SRRM4: variants seen among roughly 807,000 people sequenced by gnomAD.
The protein encoded by SRRM4 is serine/arginine repetitive matrix 4.
In SRRM4, 33 loss-of-function variants were observed where a neutral mutation model predicts 68.9. The observed-to-expected ratio is 0.48, with a 90% CI of 0.36 to 0.64. The LOEUF is 0.64. SRRM4 is among the 30% of genes least tolerant of loss of function. The probability of loss-of-function intolerance (pLI) is 0.00; values close to 1 mark genes in which losing one functional copy is unlikely to be tolerated. For missense variants in SRRM4, 817 were observed against 827.1 expected, an observed-to-expected ratio of 0.99 and a Z score of 0.15; for synonymous variants, 318 against 318.8, an observed-to-expected ratio of 1.00 and a Z score of 0.03.
At chr12:119,015,104 G>A (rs193172397) in intron 1 of SRRM4, among the ~76,000 whole-genome samples, 13 of 152,346 alleles carry the variant, frequency 8.5e-5, no homozygotes, top group African/African-American at 2.9e-4. Context: ...GTGTGGATAT[G>A]AGAAGTTGAC....
chr12:119,103,223 C>A (rs565786931), intron 2 of SRRM4, among the ~76,000 whole-genome samples: 1 of 152,160 alleles, frequency 6.6e-6, no homozygotes, highest in South Asian at 2.1e-4. Context: ...AAACTGGAGT[C>A]ATTTTTTTTC....
intron 8 of SRRM4, among the ~76,000 whole-genome samples, chr12:119,137,587 GGAGAGAGAGAGAGAGAGAGAGAGAGA>G (rs55883419): frequency 2.5e-5 from 3 of 119,152 alleles, no homozygotes; most frequent in South Asian, 3.0e-4. Context: ...GGTTTGGAGT[GGAGAGAGAGAGAGAGAGAGAGAGAGA>G]GAGAGAGAGA....
intron 1 of SRRM4, among the ~76,000 whole-genome samples, chr12:118,998,268 C>CAAAAAAAAAAAAAAAAAAAAA (rs35250419): frequency 5.5e-5 from 2 of 36,582 alleles, no homozygotes; most frequent in South Asian, 1.7e-3. Flanking sequence ...AGCAATATGG[C>CAAAAAAAAAAAAAAAAAAAAA]AAAAAAAAAA....
chr12:119,013,861 G>A lies in SRRM4; in HGVS notation c.131+31848G>A, dbSNP rs965516947. Among the ~76,000 whole-genome samples, 6 of 152,184 alleles carry A rather than the reference G, an allele frequency of 3.9e-5. No individual in the cohort carries two copies. The East Asian group carries it at 7.7e-4, about 20-fold the overall frequency. ...ATCTATACTATAAATTCCTAGAAAC[G>A]GAATTGTTAGAAATTTCCAGAAAAT... On this transcript the variant is annotated intron_variant, in intron 1 of 12. Transcript: ENST00000267260.
chr12:119,148,547 G>A (rs1164042539), intron 9 of SRRM4, among the ~76,000 whole-genome samples: 1 of 152,206 alleles, frequency 6.6e-6, no homozygotes, highest in Non-Finnish European at 1.5e-5. Context: ...ACTGCCAAAT[G>A]CTTTCCAGAA....
intron 2 of SRRM4, among the ~76,000 whole-genome samples, chr12:119,103,586 T>G (rs1954089179): frequency 6.6e-6 from 1 of 152,212 alleles, no homozygotes; most frequent in Non-Finnish European, 1.5e-5. Flanking sequence ...CCCTATCAAC[T>G]TGGAGAACTG....
At chr12:119,087,230 G>A (rs1953984451) in intron 1 of SRRM4, among the ~76,000 whole-genome samples, 1 of 152,222 alleles carries the variant, frequency 6.6e-6, no homozygotes, top group African/African-American at 2.4e-5. Flanking sequence ...CACATGCAAA[G>A]CACTTAGAAC....
intron 9 of SRRM4, among the ~76,000 whole-genome samples, chr12:119,146,684 C>G (rs1056228378): frequency 6.6e-6 from 1 of 152,092 alleles, no homozygotes; most frequent in Non-Finnish European, 1.5e-5. Context: ...CGCCTGTAAT[C>G]CCAGCACTTT....
intron 1 of SRRM4, among the ~76,000 whole-genome samples, chr12:119,087,302 T>C (rs1005916686): frequency 2.0e-5 from 3 of 152,154 alleles, no homozygotes; most frequent in African/African-American, 4.8e-5. Context: ...AATAACAGCA[T>C]TGACAATGGT....
chr12:119,034,925 T>C (rs375715111), intron 1 of SRRM4, among the ~76,000 whole-genome samples: 96 of 152,240 alleles, frequency 6.3e-4, no homozygotes, highest in African/African-American at 2.0e-3. Flanking sequence ...TGATTAGCAC[T>C]GAAATTTAGC....
chr12:119,115,800 G>A lies in SRRM4; in HGVS notation c.366-1137G>A, dbSNP rs1954176106. ...GCATGTGTCTGGGGACAAATGTTAT[G>A]ATTCCTTGAAGGCTGAATTGTTTCT... On this transcript the variant is annotated intron_variant, in intron 3 of 12. Transcript: ENST00000267260. 2.0e-5 allele frequency among the ~76,000 whole-genome samples: 3 copies of A among 152,202 alleles called. No individual in the cohort carries two copies. The South Asian group carries it at 6.2e-4, about 32-fold the overall frequency.
intron 1 of SRRM4, among the ~76,000 whole-genome samples, chr12:119,055,658 G>A (rs1348889913): frequency 6.6e-6 from 1 of 152,206 alleles, no homozygotes; most frequent in Non-Finnish European, 1.5e-5. Flanking sequence ...ACCCTGTTCT[G>A]TCATGAGTAA....
intron 1 of SRRM4, among the ~76,000 whole-genome samples, chr12:119,074,552 C>A (rs1218203549): frequency 6.6e-6 from 1 of 152,138 alleles, no homozygotes; most frequent in East Asian, 1.9e-4. Flanking sequence ...ATCACATATA[C>A]ATATGAAGAG....
At chr12:119,079,299 G>A (rs766828669) in intron 1 of SRRM4, among the ~76,000 whole-genome samples, 6 of 152,084 alleles carry the variant, frequency 3.9e-5, no homozygotes, top group Non-Finnish European at 1.5e-5. Flanking sequence ...AGCCACAGTC[G>A]GGAGTCTGAA....
At chr12:119,153,900 C>A (rs1334457482) in intron 11 of SRRM4, among the ~76,000 whole-genome samples, 2 of 152,090 alleles carry the variant, frequency 1.3e-5, no homozygotes, top group Admixed American at 1.3e-4. Flanking sequence ...CCCTCAGCCT[C>A]TACAGACCGT....
At chr12:119,095,252 T>C (rs1954036527) in intron 1 of SRRM4, among the ~76,000 whole-genome samples, 1 of 152,232 alleles carries the variant, frequency 6.6e-6, no homozygotes. Flanking sequence ...ATCTTGTCTC[T>C]GGGCTAGGTC....
chr12:119,053,250 T>A (rs563710446), intron 1 of SRRM4, among the ~76,000 whole-genome samples: 1 of 152,314 alleles, frequency 6.6e-6, no homozygotes, highest in Non-Finnish European at 1.5e-5. Flanking sequence ...CTTCCTCTAT[T>A]TATAAACAGG....
Position 119,052,353 on chromosome 12 carries a change from G to A in SRRM4, c.132-49883G>A, listed in dbSNP as rs375465410. Among the ~76,000 whole-genome samples the A allele has an allele frequency of 5.3e-4, 81 of 152,214 alleles. No homozygotes were observed. The Middle Eastern group carries it at 0.017, about 32-fold the overall frequency. ...CATGTATGTCTCTCTGGTGATAACT[G>A]GGTGTGTGGATATGTCAACATCCAA... On this transcript the variant is annotated intron_variant, in intron 1 of 12. Coordinates refer to ENST00000267260, the MANE Select transcript of SRRM4 (RefSeq NM_194286.4).
At chr12:119,139,802 C>T (rs1381824559) in intron 8 of SRRM4, among the ~76,000 whole-genome samples, 2 of 152,154 alleles carry the variant, frequency 1.3e-5, no homozygotes, top group Non-Finnish European at 2.9e-5. Flanking sequence ...AAAAGGTGTA[C>T]TATCTCTTTT....
Sources: allele counts gnomAD v4.1 joint callset (sites outside exome capture counted in the v4.1 genomes callset), GRCh38; gene constraint gnomAD v4.1.1; transcripts MANE v1.5; gene names NCBI Gene and HGNC (gene_info 2026-07-23, HGNC 2026-07-21).